Variants in IGHMBP2 observed in about 807,000 individuals in gnomAD.
The protein encoded by IGHMBP2 is DNA-binding protein SMUBP-2.
IGHMBP2 carries 81 observed loss-of-function variants against 96.0 expected under a neutral mutation model. That is an observed-to-expected ratio of 0.84 (90% CI 0.71 to 1.01). The LOEUF is 1.01. Among genes scored for constraint, IGHMBP2 ranks in the 50% least tolerant of loss-of-function variants. The pLI, the probability that IGHMBP2 is intolerant of heterozygous loss-of-function variation, is 0.00. For synonymous variants in IGHMBP2, 557 were observed against 548.9 expected, an observed-to-expected ratio of 1.01 and a Z score of -0.21; for missense variants, 1,227 against 1,306.3, an observed-to-expected ratio of 0.94 and a Z score of 0.94.
intron 12 of IGHMBP2, 26 bp from the exon 13 acceptor site, chr11:68,936,211 T>C (rs1566445826): frequency 6.2e-7 from 1 of 1,613,020 alleles, no homozygotes; most frequent in South Asian, 1.1e-5. Context: ...GAAACCTGCT[T>C]CTCACTCCCC....
chr11:68,928,107 G>C (rs1194095415), intron 7 of IGHMBP2, among the ~76,000 whole-genome samples: 3 of 152,244 alleles, frequency 2.0e-5, no homozygotes, highest in African/African-American at 7.2e-5. Flanking sequence ...CTCAGAGCTT[G>C]TGAGAGTCTC....
At chr11:68,912,847 CT>C (rs1181163619) in intron 5 of IGHMBP2, among the ~76,000 whole-genome samples, 2 of 151,322 alleles carry the variant, frequency 1.3e-5, no homozygotes, top group African/African-American at 2.4e-5. Flanking sequence ...CGAGACCAGC[CT>C]GGCTAACATG....
chr11:68,928,113 G>A (rs1859141418), intron 7 of IGHMBP2, among the ~76,000 whole-genome samples: 1 of 152,260 alleles, frequency 6.6e-6, no homozygotes, highest in South Asian at 2.1e-4. Context: ...GCTTGTGAGA[G>A]TCTCTTTGCT....
At position 68,906,204 on chromosome 11, in the gene IGHMBP2, C is replaced by G. The variant is rs139237340; in HGVS notation, c.222C>G (p.Ser74=). The change falls in exon 2 of 15, where the codon TCC becomes TCG. Residue 74 remains serine, a synonymous_variant. Coordinates refer to ENST00000255078, the MANE Select transcript of IGHMBP2 (RefSeq NM_002180.3). ...CCTTTGAGCCCAGGCGATACGGGTCCGCGGCAGCTCTTCCCAGTAACAGCT... is the reference window on the plus strand; with the variant it reads ...CCTTTGAGCCCAGGCGATACGGGTCGGCGGCAGCTCTTCCCAGTAACAGCT... ...LVTFEPRRYG[S]AAALPSNSFT... 2 of 1,614,014 alleles carry G rather than the reference C, an allele frequency of 1.2e-6. No individual in the cohort carries two copies. Among genetic ancestry groups the G allele is most frequent in the South Asian group, 1.1e-5 (1 of 91,068 alleles).
intron 4 of IGHMBP2, among the ~76,000 whole-genome samples, chr11:68,909,787 C>G (rs1858360040): frequency 1.3e-5 from 2 of 151,962 alleles, no homozygotes; most frequent in Non-Finnish European, 2.9e-5. Flanking sequence ...GCCACCATGC[C>G]CGGCTAATTT....
chr11:68,908,256 A>G lies in IGHMBP2; in HGVS notation c.368A>G (p.Asp123Gly). The G allele has an allele frequency of 6.2e-7, 1 of 1,614,026 alleles. No individual in the cohort carries two copies. Among genetic ancestry groups the G allele is most frequent in the Non-Finnish European group, 8.5e-7 (1 of 1,179,998 alleles). ...ACGGTGGCCTTTGATGAGTCCCACGATTTCCAGTTGAGCTTGGACCGAGAG... is the reference window on the plus strand; with the variant it reads ...ACGGTGGCCTTTGATGAGTCCCACGGTTTCCAGTTGAGCTTGGACCGAGAG... ...SVTVAFDESH[D>G]FQLSLDRENS... The change falls in exon 3 of 15, where the codon GAT (aspartate) becomes GGT (glycine). Residue 123 changes from aspartate (D) to glycine (G), a missense_variant. By Grantham distance (94) the Asp-to-Gly change is moderately conservative. Around this residue, in one of 3 missense-constraint regions of IGHMBP2, gnomAD observed 507 missense variants for 496.9 expected, o/e 1.02. Transcript: ENST00000255078.
chr11:68,924,857 T>C (rs1859004303), intron 7 of IGHMBP2, among the ~76,000 whole-genome samples: 1 of 152,206 alleles, frequency 6.6e-6, no homozygotes, highest in South Asian at 2.1e-4. Flanking sequence ...AAAGCAAGTT[T>C]GTCTAACTAA....
In IGHMBP2 at chr11:68,903,922, C is replaced by A; in HGVS notation, c.-31C>A. ...CCGGCCCGGCGCAGAAGCGGGACGT[C>A]GGCTTCTAGGGGCCCAGGCCGGCGG... On this transcript the variant is annotated 5_prime_UTR_variant, in exon 1 of 15. Transcript: ENST00000255078. 3.1e-6 allele frequency: 5 copies of A among 1,599,066 alleles called. No individual in the cohort carries two copies. Among genetic ancestry groups the A allele is most frequent in the Non-Finnish European group, 3.4e-6 (4 of 1,172,828 alleles).
intron 14 of IGHMBP2, among the ~76,000 whole-genome samples, 191 bp from the exon 15 acceptor site, chr11:68,939,343 C>T (rs531877403): frequency 6.6e-5 from 10 of 152,250 alleles, no homozygotes; most frequent in African/African-American, 1.7e-4. Context: ...CGGGGGCTCC[C>T]GCCACACCAG....
chr11:68,932,711 ATG>A, intron 8 of IGHMBP2: 2 of 163,082 alleles, frequency 1.2e-5, no homozygotes, highest in East Asian at 1.7e-4. Flanking sequence ...GCTGTGACAA[ATG>A]ACCACAAGCT....
chr11:68,908,119 G>C (rs781767366), intron 2 of IGHMBP2, 26 bp from the exon 3 acceptor site: 3 of 1,578,494 alleles, frequency 1.9e-6, no homozygotes, highest in Non-Finnish European at 2.6e-6. Context: ...CCAGTGTCTT[G>C]TGTCACTGAG....
At position 68,936,349 on chromosome 11, in the gene IGHMBP2, G is replaced by C; in HGVS notation, c.1869G>C (p.Leu623Phe). The C allele has an allele frequency of 6.2e-7, 1 of 1,614,206 alleles. No homozygotes were observed. The highest frequency in any genetic ancestry group is 8.5e-7 in the Non-Finnish European group (1 of 1,180,044). The stretch of plus-strand genomic sequence containing the variant: ...GTACTGTCAACAACCATGCATTTTT[G>C]AAGACCCTGGTGGAGTATTTCACAC... ...DSRTVNNHAF[L>F]KTLVEYFTQH... is the part of the protein sequence containing the mutation. Residue 623 changes from leucine to phenylalanine, a missense_variant, in exon 13 of 15, where the codon TTG becomes TTC. Transcript: ENST00000255078.
chr11:68,934,116 C>T, intron 10 of IGHMBP2: 2 of 627,544 alleles, frequency 3.2e-6, no homozygotes, highest in South Asian at 3.7e-5. Flanking sequence ...TGAGATGGGC[C>T]TGGCAGCATT....
intron 11 of IGHMBP2, among the ~76,000 whole-genome samples, chr11:68,935,060 C>T (rs1859470814): frequency 6.6e-6 from 1 of 152,360 alleles, no homozygotes; most frequent in Middle Eastern, 3.4e-3. Flanking sequence ...CTGTCTGAGG[C>T]TGGCGGCTGT....
rs76707931 is a variant in IGHMBP2 at position 68,914,852 on chromosome 11, C to T, written c.741C>T (p.Ala247=). 10,691 of 1,614,250 alleles carry T rather than the reference C, an allele frequency of 6.6e-3. 80 individuals are homozygous for T. The highest frequency in any genetic ancestry group is 0.026 in the Middle Eastern group (155 of 6,062). The change falls in exon 6 of 15, where the codon GCC becomes GCT. Residue 247 remains alanine, a synonymous_variant. Transcript: ENST00000255078. The part of the protein sequence containing the change: ...KVLCCAPSNI[A]VDNLVERLAL... Reference sequence around the variant, plus strand: ...TGTGCTGCGCCCCCTCCAACATCGCCGTGGACAATCTGGTGGAGCGCCTGG... The same window carrying T: ...TGTGCTGCGCCCCCTCCAACATCGCTGTGGACAATCTGGTGGAGCGCCTGG...
In IGHMBP2 at chr11:68,908,143, A is replaced by T; in HGVS notation, c.257-2A>T. 1 of 1,613,428 alleles carries T rather than the reference A, an allele frequency of 6.2e-7. No homozygotes were observed. Among genetic ancestry groups the T allele is most frequent in the Non-Finnish European group, 8.5e-7 (1 of 1,179,540 alleles). Reference sequence around the variant, plus strand: ...TGTGTCACTGAGTCTTTGTTTTTGCAGGTGATATCGTGGGCCTGTACGATG... The same window carrying T: ...TGTGTCACTGAGTCTTTGTTTTTGCTGGTGATATCGTGGGCCTGTACGATG... On this transcript the variant is annotated splice_acceptor_variant, in intron 2 of 14. Coordinates refer to ENST00000255078, the MANE Select transcript of IGHMBP2 (RefSeq NM_002180.3). LOFTEE classifies it high-confidence loss of function.
At position 68,936,975 on chromosome 11, in the gene IGHMBP2, C is replaced by T. The variant is rs751046981; in HGVS notation, c.2495C>T (p.Thr832Met). The T allele has an allele frequency of 3.0e-5, 49 of 1,607,398 alleles. No individual in the cohort carries two copies. The highest frequency in any genetic ancestry group is 1.6e-4 in the East Asian group (7 of 44,836). Residue 832 changes from threonine to methionine, a missense_variant, in exon 13 of 15, where the codon ACG (threonine) becomes ATG (methionine). Around this residue, in one of 3 missense-constraint regions of IGHMBP2, gnomAD observed 703 missense variants for 770.3 expected, o/e 0.91. Transcript: ENST00000255078. ...QRGPDQPDLRTLHLERLQRVR... is the reference protein window; with the variant it reads ...QRGPDQPDLRMLHLERLQRVR... ...GGCCCAGACCAGCCTGATCTGAGGA[C>T]GCTGCACCTGGAGAGACTGCAGAGG...
In IGHMBP2 at chr11:68,938,271, A is replaced by G; in HGVS notation, c.2701A>G (p.Lys901Glu). Residue 901 changes from lysine to glutamate, a missense_variant, in exon 14 of 15, where the codon AAG becomes GAG. Physicochemically the swap from Lys to Glu is moderately conservative, Grantham distance 56 (BLOSUM62 1). Coordinates refer to ENST00000255078, the MANE Select transcript of IGHMBP2 (RefSeq NM_002180.3). ...GGCTGATAACACCTGCGGCTTTGCC[A>G]AGTGCACAGCCGGCGTCACAACCCT... ...VKADNTCGFAKCTAGVTTLGQ... is the reference protein window; with the variant it reads ...VKADNTCGFAECTAGVTTLGQ... The G allele has an allele frequency of 1.2e-6, 2 of 1,613,864 alleles. No individual in the cohort carries two copies. The highest frequency in any genetic ancestry group is 1.7e-6 in the Non-Finnish European group (2 of 1,179,988).
chr11:68,917,228 C>T (rs1229936331), intron 6 of IGHMBP2, among the ~76,000 whole-genome samples: 2 of 152,044 alleles, frequency 1.3e-5, no homozygotes, highest in Non-Finnish European at 2.9e-5. Flanking sequence ...CTGCCTGCCT[C>T]GGGCTCCCAA....
Sources: gnomAD v4.1 joint callset for allele counts (sites outside exome capture counted in the v4.1 genomes callset) on GRCh38, gnomAD v4.1.1 for gene constraint, gnomAD v4.1.1 regional missense constraint, MANE v1.5 for transcripts, NCBI Gene and HGNC (gene_info 2026-07-23, HGNC 2026-07-21) for gene names.